NLRP2: variants seen among roughly 807,000 people sequenced by gnomAD.
The protein encoded by NLRP2 is NACHT, LRR and PYD domains-containing protein 2.
Under a neutral mutation model 97.2 loss-of-function variants are expected in NLRP2, and 107 were observed. The observed-to-expected ratio is 1.10, with a 90% CI of 0.94 to 1.29. NLRP2 has a LOEUF of 1.29. Among genes scored for constraint, NLRP2 ranks in the 50% most tolerant of loss-of-function variants. The pLI is 0.00. For missense variants in NLRP2, 1,495 were observed against 1,330.3 expected (o/e 1.12, Z -1.93); for synonymous variants, 663 against 551.5 (o/e 1.20, Z -2.83).
Position 54,983,517 on chromosome 19 carries a change from G to A in NLRP2, c.1819G>A (p.Gly607Ser), listed in dbSNP as rs533433932. ...STVTDLQELL[G>S]CLYESQEEEL... ...GGTGACAGACCTGCAGGAGCTCCTC[G>A]GCTGTCTGTACGAGTCTCAGGAGGA... Residue 607 changes from glycine (G) to serine (S), a missense_variant, in exon 6 of 13, where the codon GGC (glycine) becomes AGC (serine). Coordinates refer to ENST00000448584, the MANE Select transcript of NLRP2 (RefSeq NM_017852.5). 1.1e-5 allele frequency: 17 copies of A among 1,614,054 alleles called. No individual in the cohort carries two copies. Among genetic ancestry groups the A allele is most frequent in the East Asian group, 8.9e-5 (4 of 44,894 alleles).
chr19:55,000,131 T>C (rs1264077551), intron 12 of NLRP2, among the ~76,000 whole-genome samples: 2 of 151,834 alleles, frequency 1.3e-5, no homozygotes, highest in South Asian at 2.1e-4. Context: ...ATACAAAAAT[T>C]AGCTGAGCAT....
chr19:54,973,844 A>G, intron 2 of NLRP2: 1 of 628,434 alleles, frequency 1.6e-6, no homozygotes, highest in East Asian at 3.9e-5. Flanking sequence ...AACCCGCCGG[A>G]CTTTCTGTAA....
chr19:54,971,995 A>T (rs1195793885), intron 2 of NLRP2, among the ~76,000 whole-genome samples: 3 of 116,396 alleles, frequency 2.6e-5, no homozygotes, highest in Non-Finnish European at 3.4e-5. Context: ...TGCCTGGCTG[A>T]TTTTTTTTTT....
In NLRP2 at chr19:54,989,705, C is replaced by T. The variant is rs749107435; in HGVS notation, c.2367-317C>T. The T allele has an allele frequency of 1.0e-4, 49 of 467,168 alleles. No homozygotes were observed. The East Asian group carries it at 1.5e-3, about 15-fold the overall frequency. 28.9% of individuals were successfully genotyped at this position (467,168 alleles called of 1,614,324 possible). A position where few individuals can be genotyped will look rare whatever the true frequency, so the allele number is the denominator to read the frequency against. On this transcript the variant is annotated intron_variant, in intron 8 of 12. Transcript: ENST00000448584. ...GATTCTCAAGAATGACTTGTTCTGCCGGGCGCGGTGGCTCACGCCTGTCAT... is the reference window on the plus strand; with the variant it reads ...GATTCTCAAGAATGACTTGTTCTGCTGGGCGCGGTGGCTCACGCCTGTCAT...
chr19:54,996,968 C>T (rs988835156), intron 11 of NLRP2, among the ~76,000 whole-genome samples: 13 of 152,166 alleles, frequency 8.5e-5, no homozygotes, highest in East Asian at 1.9e-4. Context: ...AGTGCAATGG[C>T]GCGATCTCGG....
At chr19:54,970,834 ATTATAC>A (rs1428500976) in intron 2 of NLRP2, among the ~76,000 whole-genome samples, 1 of 68,242 alleles carries the variant, frequency 1.5e-5, no homozygotes, top group East Asian at 3.8e-4. Flanking sequence ...TATTTTTTTT[ATTATAC>A]TTTAAGTTTT....
intron 4 of NLRP2, among the ~76,000 whole-genome samples, chr19:54,981,400 C>G (rs938590074): frequency 6.6e-6 from 1 of 151,902 alleles, no homozygotes; most frequent in Non-Finnish European, 1.5e-5. Context: ...CTCCTGAGCT[C>G]AAGTGATCCA....
chr19:54,977,971 C>A (rs1020496724), intron 4 of NLRP2, 148 bp downstream of exon 4: 1 of 773,448 alleles, frequency 1.3e-6, no homozygotes. Context: ...AGAATGCCAA[C>A]CTCCCTTCCG....
chr19:54,994,265 C>T lies in NLRP2; in HGVS notation c.2709-4C>T, dbSNP rs1288625109. 1 of 1,614,056 alleles carries T rather than the reference C, an allele frequency of 6.2e-7. No individual in the cohort carries two copies. The highest frequency in any genetic ancestry group is 1.7e-5 in the Admixed American group (1 of 59,998). ...TTTGCTTTCTTCCTGTGGTTGATTT[C>T]TAGGCTTTGGAACTGCGACATAACT... is the stretch of plus-strand genomic sequence containing the variant. On this transcript the variant is annotated splice_polypyrimidine_tract_variant and splice_region_variant and intron_variant, in intron 10 of 12. Coordinates refer to ENST00000448584, the MANE Select transcript of NLRP2 (RefSeq NM_017852.5).
chr19:54,999,025 C>A (rs574295051), intron 12 of NLRP2, among the ~76,000 whole-genome samples: 1 of 150,822 alleles, frequency 6.6e-6, no homozygotes, highest in South Asian at 2.1e-4. Flanking sequence ...GCTGACCCCC[C>A]CACCTCCCTC....
chr19:54,985,173 G>C lies in NLRP2; in HGVS notation c.2157G>C (p.Leu719=). Residue 719 remains leucine, a synonymous_variant, in exon 7 of 13, where the codon CTG becomes CTC. Transcript: ENST00000448584. ...SFLSASLVRI[L]CEQIASDTCH... is the part of the protein sequence containing the mutation. Reference sequence around the variant, plus strand: ...TCAGTGCCTCCCTAGTAAGGATCCTGTGTGAACAAATAGCCTCTGACACCT... The same window carrying C: ...TCAGTGCCTCCCTAGTAAGGATCCTCTGTGAACAAATAGCCTCTGACACCT... 2 of 1,614,088 alleles carry C rather than the reference G, an allele frequency of 1.2e-6. No homozygotes were observed. Among genetic ancestry groups the C allele is most frequent in the South Asian group, 1.1e-5 (1 of 91,086 alleles).
intron 9 of NLRP2, 45 bp downstream of exon 9, chr19:54,990,237 G>A (rs1278205575): frequency 3.1e-6 from 5 of 1,590,366 alleles, no homozygotes; most frequent in Non-Finnish European, 4.3e-6. Flanking sequence ...TTCGATCTGG[G>A]GCCACAGACG....
chr19:54,995,187 CTTTTTTTTTTTTTTTT>C (rs34168825), intron 11 of NLRP2, among the ~76,000 whole-genome samples: 3 of 87,226 alleles, frequency 3.4e-5, no homozygotes, highest in Non-Finnish European at 6.5e-5. Flanking sequence ...GTGGGTGCCT[CTTTTTTTTTTTTTTTT>C]TTTTTTGAGA....
At chr19:54,976,034 T>G (rs956593977) in intron 3 of NLRP2, among the ~76,000 whole-genome samples, 40 of 150,416 alleles carry the variant, frequency 2.7e-4, no homozygotes, top group African/African-American at 9.8e-4. Context: ...CAGACATGAT[T>G]CACCACACCT....
chr19:54,992,269 C>T (rs2072524385), intron 10 of NLRP2, among the ~76,000 whole-genome samples: 1 of 152,014 alleles, frequency 6.6e-6, no homozygotes, highest in Non-Finnish European at 1.5e-5. Context: ...TAGGAACTGT[C>T]CTCTTCCTAT....
At chr19:54,990,800 CT>C in intron 10 of NLRP2, 128 bp downstream of exon 10, 1 of 897,762 alleles carries the variant, frequency 1.1e-6, no homozygotes, top group South Asian at 1.4e-5. Flanking sequence ...CTAATGACAA[CT>C]GGTAAGACCT....
intron 12 of NLRP2, among the ~76,000 whole-genome samples, chr19:54,998,294 AG>A (rs1223146613): frequency 6.6e-6 from 1 of 151,946 alleles, no homozygotes; most frequent in Non-Finnish European, 1.5e-5. Flanking sequence ...CTGGGATTAC[AG>A]GCATGAGCCA....
At chr19:54,987,507 C>T (rs148550606) in intron 8 of NLRP2, among the ~76,000 whole-genome samples, 5 of 151,920 alleles carry the variant, frequency 3.3e-5, no homozygotes, top group East Asian at 1.9e-4. Flanking sequence ...CCTGGGAGGC[C>T]GAGGTGGGTG....
rs1157138794 is a variant in NLRP2 at position 55,000,270 on chromosome 19, C to CTTTTTTTT, written c.3051-458_3051-451dup. The stretch of plus-strand genomic sequence containing the variant: ...CCAGCTTGGGCAACAGAGAGACTGT[C>CTTTTTTTT]TTTTTTTTTTTTTTTTTTTTTTTTT... On this transcript the variant is annotated intron_variant, in intron 12 of 12. Coordinates refer to ENST00000448584, the MANE Select transcript of NLRP2 (RefSeq NM_017852.5). 1.8e-3 allele frequency among the ~76,000 whole-genome samples: 65 copies of CTTTTTTTT among 36,026 alleles called. 19 individuals carry two copies. The highest frequency in any genetic ancestry group is 4.5e-3 in the East Asian group (3 of 674). The allele number at this position is 36,026 out of a possible 152,430, so 23.6% of individuals were successfully genotyped here. A position where few individuals can be genotyped will look rare whatever the true frequency, so the allele number is the denominator to read the frequency against.
Sources: allele counts gnomAD v4.1 joint callset (sites outside exome capture counted in the v4.1 genomes callset), GRCh38; gene constraint gnomAD v4.1.1; transcripts MANE v1.5; gene names NCBI Gene and HGNC (gene_info 2026-07-23, HGNC 2026-07-21).